Variants in FAM221B observed in about 807,000 individuals in gnomAD.
FAM221B encodes the protein family with sequence similarity 221 member B, also known as protein FAM221B.
Under a neutral mutation model 39.8 loss-of-function variants are expected in FAM221B, and 35 were observed. The ratio of observed to expected loss-of-function variants is 0.88; its 90% CI spans 0.67 to 1.17. The LOEUF is 1.17. Ranked by LOEUF, FAM221B falls within the 50% of genes most tolerant of loss-of-function variation. The probability of loss-of-function intolerance (pLI) is 0.00; values close to 1 mark genes in which losing one functional copy is unlikely to be tolerated. For missense variants in FAM221B, 479 were observed against 503.1 expected (o/e 0.95, Z 0.46); for synonymous variants, 158 against 178.1 (o/e 0.89, Z 0.90).
chr9:35,825,046 C>T lies in FAM221B; in HGVS notation c.742+184G>A, dbSNP rs1829293095. On this transcript the variant is annotated intron_variant, in intron 3 of 6. Transcript: ENST00000423537. The surrounding 1 kb of genome is among the most constrained non-coding windows in gnomAD (Gnocchi z 4.2). ...TCTACCTGGGCTTTATATGAATCTCCCCACTTTTTGTCTGCATCCACCCTT... is the reference window on the plus strand; with the variant it reads ...TCTACCTGGGCTTTATATGAATCTCTCCACTTTTTGTCTGCATCCACCCTT... 2.0e-5 allele frequency among the ~76,000 whole-genome samples: 3 copies of T among 152,190 alleles called. No individual in the cohort carries two copies. Among genetic ancestry groups the T allele is most frequent in the South Asian group, 2.1e-4 (1 of 4,826 alleles).
rs2132133302 is a variant in FAM221B at position 35,817,881 on chromosome 9, T to A, written c.*588A>T. ...TCCCTTCACCTCTGCTTTGACCTCA[T>A]CCCTTTCCTCCATCTCTGGGATCTT... On this transcript the variant is annotated 3_prime_UTR_variant, in exon 7 of 7. Coordinates refer to ENST00000423537, the MANE Select transcript of FAM221B (RefSeq NM_001012446.4). 6.5e-6 allele frequency: 1 copy of A among 153,778 alleles called. No individual in the cohort carries two copies. Among genetic ancestry groups the A allele is most frequent in the Admixed American group, 6.5e-5 (1 of 15,494 alleles). 9.5% of individuals were successfully genotyped at this position (153,778 alleles called of 1,614,324 possible).
rs547880529 is a variant in FAM221B at position 35,821,871 on chromosome 9, C to T, written c.743-1871G>A. Reference sequence around the variant, plus strand: ...CTGTGGATTCCAGTGGGACCCTCTACTCTCTGTCCTGATTCCAAACTCCCT... The same window carrying T: ...CTGTGGATTCCAGTGGGACCCTCTATTCTCTGTCCTGATTCCAAACTCCCT... On this transcript the variant is annotated intron_variant, in intron 3 of 6. Coordinates refer to ENST00000423537, the MANE Select transcript of FAM221B (RefSeq NM_001012446.4). Among the ~76,000 whole-genome samples the T allele has an allele frequency of 3.3e-4, 50 of 152,310 alleles. No individual in the cohort carries two copies. In the South Asian group the frequency reaches 9.8e-3, roughly 30 times the overall value.
At position 35,825,614 on chromosome 9, in the gene FAM221B, A is replaced by G. The variant is rs779597219; in HGVS notation, c.548T>C (p.Val183Ala). Reference protein sequence around the residue: ...EEEAGEVEKGVDASDSTAHTA... With the variant: ...EEEAGEVEKGADASDSTAHTA... ...GTGAGCAGTGCTGTCACTGGCATCT[A>G]CTCCCTTTTCAACCTCTCCTGCTTC... is the stretch of plus-strand genomic sequence containing the variant. The change falls in exon 2 of 7, where the codon GTA becomes GCA. Residue 183 changes from valine to alanine, a missense_variant. By Grantham distance (64) the Val-to-Ala change is moderately conservative. Transcript: ENST00000423537. This position sits in a 1 kb window ranked among gnomAD's most constrained non-coding sequence, Gnocchi z 4.2. 6.2e-7 allele frequency: 1 copy of G among 1,613,388 alleles called. No homozygotes were observed. The highest frequency in any genetic ancestry group is 8.5e-7 in the Non-Finnish European group (1 of 1,179,852).
chr9:35,824,944 G>T (rs1190319537), intron 3 of FAM221B, among the ~76,000 whole-genome samples: 1 of 152,180 alleles, frequency 6.6e-6, no homozygotes, highest in Non-Finnish European at 1.5e-5. Context: ...GCCTCCCAAA[G>T]TGCTGGGATT....
At position 35,817,316 on chromosome 9, in the gene FAM221B, C is replaced by T. The variant is rs567208888; in HGVS notation, c.*1153G>A. On this transcript the variant is annotated 3_prime_UTR_variant, in exon 7 of 7. Coordinates refer to ENST00000423537, the MANE Select transcript of FAM221B (RefSeq NM_001012446.4). ...TGTTATGCTCTGCAGCCTCTGAACA[C>T]TGTCTCTTGTACTCCAACCCCTGCC... The T allele has an allele frequency of 6.6e-6, 1 of 152,484 alleles. No homozygotes were observed. The highest frequency in any genetic ancestry group is 2.4e-5 in the African/African-American group (1 of 41,588). The allele number at this position is 152,484 out of a possible 1,614,324, so 9.4% of individuals were successfully genotyped here.
rs1015616837 is a variant in FAM221B, at chr9:35,820,075, T to G, written c.743-75A>C. 7.6e-6 allele frequency: 8 copies of G among 1,055,652 alleles called. No individual in the cohort carries two copies. The South Asian group carries it at 1.1e-4, about 14-fold the overall frequency. 65.4% of individuals were successfully genotyped at this position (1,055,652 alleles called of 1,614,324 possible). A position where few individuals can be genotyped will look rare whatever the true frequency, so the allele number is the denominator to read the frequency against. On this transcript the variant is annotated intron_variant, in intron 3 of 6. Coordinates refer to ENST00000423537, the MANE Select transcript of FAM221B (RefSeq NM_001012446.4). ...CGAAGTGTTCTTACCTATCCCTTGATGGAGGTGAGGGGGTGGGGGGAACTT... is the reference window on the plus strand; with the variant it reads ...CGAAGTGTTCTTACCTATCCCTTGAGGGAGGTGAGGGGGTGGGGGGAACTT...
In FAM221B at chr9:35,817,133, TGCCTGGGTTCACAGA is replaced by T. The variant is rs1367562143; in HGVS notation, c.*1321_*1335del. On this transcript the variant is annotated 3_prime_UTR_variant, in exon 7 of 7. Transcript: ENST00000423537. ...CTCAGCCTAAAGAGGGACAGTGACT[TGCCTGGGTTCACAGA>T]GCCCATTAGTGCTGGAATCTCCTAC... The T allele has an allele frequency of 6.6e-6, 1 of 152,248 alleles. No individual in the cohort carries two copies. Among genetic ancestry groups the T allele is most frequent in the African/African-American group, 2.4e-5 (1 of 41,452 alleles). The allele number at this position is 152,248 out of a possible 1,614,324, so 9.4% of individuals were successfully genotyped here.
intron 5 of FAM221B, 80 bp downstream of exon 5, chr9:35,819,117 C>T (rs2132135906): frequency 1.3e-6 from 2 of 1,533,904 alleles, no homozygotes; most frequent in Non-Finnish European, 1.8e-6. Flanking sequence ...GCTCTCATAC[C>T]TGCTCTCCAT....
At position 35,819,361 on chromosome 9, in the gene FAM221B, C is replaced by T. The variant is rs780505396; in HGVS notation, c.887G>A (p.Arg296His). The change falls in exon 5 of 7, where the codon CGC becomes CAC. Residue 296 changes from arginine to histidine, a missense_variant. Arg to His is a conservative substitution (Grantham distance 29). Coordinates refer to ENST00000423537, the MANE Select transcript of FAM221B (RefSeq NM_001012446.4). The part of the protein sequence containing the change: ...ISVPCKVSQC[R>H]CFMFCFIPSR... The stretch of plus-strand genomic sequence containing the variant: ...TGGGATAAAGCAGAACATGAAGCAG[C>T]GGCACTGGCTTACCTTGCAGGGCAC... 6.0e-5 allele frequency: 93 copies of T among 1,551,672 alleles called. No individual in the cohort carries two copies. Among genetic ancestry groups the T allele is most frequent in the South Asian group, 5.7e-4 (48 of 84,058 alleles).
Position 35,826,014 on chromosome 9 carries a change from C to T in FAM221B, c.148G>A (p.Glu50Lys). 2 of 1,614,038 alleles carry T rather than the reference C, an allele frequency of 1.2e-6. No homozygotes were observed. The highest frequency in any genetic ancestry group is 1.7e-6 in the Non-Finnish European group (2 of 1,180,004). Residue 50 changes from glutamate to lysine, a missense_variant, in exon 2 of 7, where the codon GAG becomes AAG. Transcript: ENST00000423537. ...LKPSTSETPL[E>K]PHTSESPLVP... ...AAAGGGGATTCAGAGGTATGGGGCT[C>T]TAACGGGGTCTCAGAGGTGGAAGGC...
chr9:35,825,801 A>G lies in FAM221B; in HGVS notation c.361T>C (p.Ser121Pro). The change falls in exon 2 of 7, where the codon TCT (serine) becomes CCT (proline). Residue 121 changes from serine to proline, a missense_variant. By Grantham distance (74) the Ser-to-Pro change is moderately conservative (BLOSUM62 -1). Transcript: ENST00000423537. This position sits in a 1 kb window ranked among gnomAD's most constrained non-coding sequence, Gnocchi z 4.2. ...GAGAGGTCTTCCTTCAGAGTATCAG[A>G]AGAAGACAGACAGACATAGTCTCGT... ...QSRDYVCLSS[S>P]DTLKEDLSSE... 1 of 1,614,172 alleles carries G rather than the reference A, an allele frequency of 6.2e-7. No homozygotes were observed. The highest frequency in any genetic ancestry group is 8.5e-7 in the Non-Finnish European group (1 of 1,180,014).
intron 6 of FAM221B, 120 bp downstream of exon 6, chr9:35,818,770 G>T: frequency 7.5e-7 from 1 of 1,342,170 alleles, no homozygotes; most frequent in Non-Finnish European, 1.0e-6. Flanking sequence ...GGGTGGTGGG[G>T]AGGTGGGCTG....
In FAM221B at chr9:35,825,918, C is replaced by T; in HGVS notation, c.244G>A (p.Glu82Lys). 6.2e-7 allele frequency: 1 copy of T among 1,613,886 alleles called. No homozygotes were observed. The highest frequency in any genetic ancestry group is 8.5e-7 in the Non-Finnish European group (1 of 1,179,970). The change falls in exon 2 of 7, where the codon GAG becomes AAG. Residue 82 changes from glutamate to lysine, a missense_variant. Coordinates refer to ENST00000423537, the MANE Select transcript of FAM221B (RefSeq NM_001012446.4). The surrounding 1 kb of genome is among the most constrained non-coding windows in gnomAD (Gnocchi z 4.2). ...PETHQEPSIS[E>K]TPSETPTYEA... ...TAGGTAGGGGTCTCTGAAGGAGTCT[C>T]AGAGATGGAAGGCTCCTGATGGGTT...
chr9:35,826,038 G>A lies in FAM221B; in HGVS notation c.124C>T (p.Pro42Ser). ...TCTAACGGGGTCTCAGAGGTGGAAGGCTTCAAGAAGCTTTCAGAGATATGG... is the reference window on the plus strand; with the variant it reads ...TCTAACGGGGTCTCAGAGGTGGAAGACTTCAAGAAGCTTTCAGAGATATGG... ...ENHISESFLKPSTSETPLEPH... is the reference protein window; with the variant it reads ...ENHISESFLKSSTSETPLEPH... Residue 42 changes from proline to serine, a missense_variant, in exon 2 of 7, where the codon CCT (proline) becomes TCT (serine). Coordinates refer to ENST00000423537, the MANE Select transcript of FAM221B (RefSeq NM_001012446.4). 1.2e-6 allele frequency: 2 copies of A among 1,614,104 alleles called. No individual in the cohort carries two copies. The highest frequency in any genetic ancestry group is 1.1e-5 in the South Asian group (1 of 91,076).
In FAM221B at chr9:35,816,487, T is replaced by C. The variant is rs914969762; in HGVS notation, c.*1982A>G. 6.6e-6 allele frequency: 1 copy of C among 152,172 alleles called. No homozygotes were observed. The highest frequency in any genetic ancestry group is 2.1e-4 in the South Asian group (1 of 4,824). The allele number at this position is 152,172 out of a possible 1,614,324, so 9.4% of individuals were successfully genotyped here. On this transcript the variant is annotated 3_prime_UTR_variant, in exon 7 of 7. Transcript: ENST00000423537. ...TTTGGTGTTTCCTGTCTTTTTTTCA[T>C]AATATGTAATATGTATTGCATATGA...
At chr9:35,824,687 T>G (rs1200236913) in intron 3 of FAM221B, among the ~76,000 whole-genome samples, 1 of 150,300 alleles carries the variant, frequency 6.7e-6, no homozygotes, top group Admixed American at 6.6e-5. Flanking sequence ...TTTTTTGGTT[T>G]TTTTTTTTTT....
In FAM221B at chr9:35,828,482, T is replaced by C. The variant is rs561976144; in HGVS notation, c.-20A>G. 1.0e-6 allele frequency: 1 copy of C among 985,246 alleles called. No individual in the cohort carries two copies. The highest frequency in any genetic ancestry group is 1.2e-6 in the Non-Finnish European group (1 of 829,930). The allele number at this position is 985,246 out of a possible 1,614,324, so 61.0% of individuals were successfully genotyped here. ...ACCTACCCTCTGGGCTTTGGCTTGG[T>C]TGTTACAAGTCCTTAGGTCAAGACC... On this transcript the variant is annotated 5_prime_UTR_variant, in exon 1 of 7. Transcript: ENST00000423537. This position sits in a 1 kb window ranked among gnomAD's most constrained non-coding sequence, Gnocchi z 4.5.
Position 35,825,709 on chromosome 9 carries a change from G to C in FAM221B, c.453C>G (p.Ser151Arg), listed in dbSNP as rs201425299. Residue 151 changes from serine to arginine, a missense_variant, in exon 2 of 7, where the codon AGC becomes AGG. By Grantham distance (110) the Ser-to-Arg change is moderately radical. Transcript: ENST00000423537. The surrounding 1 kb of genome is among the most constrained non-coding windows in gnomAD (Gnocchi z 4.2). Reference protein sequence around the residue: ...RRSTHLSESESLPEHCLSGPS... With the variant: ...RRSTHLSESERLPEHCLSGPS... ...GGCCTGAAAGACAGTGTTCTGGAAG[G>C]CTCTCAGATTCAGAGAGATGGGTAG... 555 of 1,614,220 alleles carry C rather than the reference G, an allele frequency of 3.4e-4. 2 individuals are homozygous for C. The highest frequency in any genetic ancestry group is 4.5e-4 in the Non-Finnish European group (528 of 1,180,024).
At chr9:35,818,584 C>G in intron 6 of FAM221B, 78 bp from the exon 7 acceptor site, 6 of 1,416,566 alleles carry the variant, frequency 4.2e-6, no homozygotes, top group Non-Finnish European at 5.9e-6. Flanking sequence ...CCGTGTGAAC[C>G]AGGGAGCCCC....
Sources: gnomAD v4.1 joint callset for allele counts (sites outside exome capture counted in the v4.1 genomes callset) on GRCh38, gnomAD v4.1.1 for gene constraint, Gnocchi (gnomAD v3.1) non-coding constraint, MANE v1.5 for transcripts, NCBI Gene and HGNC (gene_info 2026-07-23, HGNC 2026-07-21) for gene names.